Variants in ZBTB8A observed in about 807,000 individuals in gnomAD.
ZBTB8A encodes the protein zinc finger and BTB domain-containing protein 8A.
Under a neutral mutation model 37.8 loss-of-function variants are expected in ZBTB8A, and 19 were observed. That is an observed-to-expected ratio of 0.50 (90% CI 0.35 to 0.74). The LOEUF is 0.74. Ranked by LOEUF, ZBTB8A falls within the 30% of genes least tolerant of loss-of-function variation. The pLI, the probability that ZBTB8A is intolerant of heterozygous loss-of-function variation, is 0.01. For missense variants in ZBTB8A, 394 were observed against 537.8 expected (o/e 0.73, Z 2.65); for synonymous variants, 181 against 185.2 (o/e 0.98, Z 0.19).
At chr1:32,594,294 G>A (rs1204540132) in intron 3 of ZBTB8A, among the ~76,000 whole-genome samples, 1 of 151,538 alleles carries the variant, frequency 6.6e-6, no homozygotes, top group East Asian at 1.9e-4. Flanking sequence ...AAAATAATAA[G>A]AATACTAAGG....
rs372062578 is a variant in ZBTB8A, at chr1:32,593,588, T to C, written c.657T>C (p.Ser219=). 18 of 1,614,118 alleles carry C rather than the reference T, an allele frequency of 1.1e-5. No individual in the cohort carries two copies. In the African/African-American group the frequency reaches 2.4e-4, roughly 22 times the overall value. ...KTKHLRLSQP[S]EVTHYKSSKR... Reference sequence around the variant, plus strand: ...AACATTTGAGATTGTCACAGCCTTCTGAAGTTACTCATTATAAGTCAAGCA... The same window carrying C: ...AACATTTGAGATTGTCACAGCCTTCCGAAGTTACTCATTATAAGTCAAGCA... The change falls in exon 3 of 5, where the codon TCT becomes TCC. Residue 219 remains serine, a synonymous_variant. Transcript: ENST00000373510.
intron 2 of ZBTB8A, among the ~76,000 whole-genome samples, chr1:32,590,398 C>T (rs1257080845): frequency 6.6e-6 from 1 of 152,076 alleles, no homozygotes; most frequent in Non-Finnish European, 1.5e-5. Flanking sequence ...TCTCCTTGGA[C>T]ATACGGTCAG....
chr1:32,585,847 A>T (rs775881616), intron 2 of ZBTB8A, among the ~76,000 whole-genome samples: 2 of 151,558 alleles, frequency 1.3e-5, no homozygotes, highest in Non-Finnish European at 2.9e-5. Flanking sequence ...TGCTAAAAAT[A>T]CAAAAATCAG....
At chr1:32,560,435 G>A (rs1034846937) in intron 2 of ZBTB8A, among the ~76,000 whole-genome samples, 1 of 151,854 alleles carries the variant, frequency 6.6e-6, no homozygotes, top group African/African-American at 2.4e-5. Context: ...TCATTTATTT[G>A]TCTTCTTTTC....
intron 2 of ZBTB8A, among the ~76,000 whole-genome samples, chr1:32,573,507 A>T (rs1474016165): frequency 6.7e-6 from 1 of 149,638 alleles, no homozygotes; most frequent in Non-Finnish European, 1.5e-5. Flanking sequence ...ATCATGGCTC[A>T]CTGCAGCCTC....
rs188903036 is a variant in ZBTB8A, at chr1:32,549,266, G to T, written c.-83-4193G>T. 1.6e-3 allele frequency among the ~76,000 whole-genome samples: 244 copies of T among 152,232 alleles called. 1 individual carries two copies. Among genetic ancestry groups the T allele is most frequent in the African/African-American group, 5.0e-3 (206 of 41,540 alleles). On this transcript the variant is annotated intron_variant, in intron 1 of 4. Coordinates refer to ENST00000373510, the MANE Select transcript of ZBTB8A (RefSeq NM_001040441.3). ...CCCAGCACTTTGGGAGGCCGAGGCGGGCGGATCACCTGAGGTCAGTAGTTC... is the reference window on the plus strand; with the variant it reads ...CCCAGCACTTTGGGAGGCCGAGGCGTGCGGATCACCTGAGGTCAGTAGTTC...
At chr1:32,599,349 T>G (rs1411828460) in intron 4 of ZBTB8A, among the ~76,000 whole-genome samples, 1 of 151,990 alleles carries the variant, frequency 6.6e-6, no homozygotes, top group Admixed American at 6.6e-5. Flanking sequence ...TGCTTGAGCC[T>G]GGGAGGCTGA....
chr1:32,539,693 C>CAGCCCGGGGCGGCGG (rs1200189690), intron 1 of ZBTB8A, 121 bp downstream of exon 1: 7 of 147,114 alleles, frequency 4.8e-5, no homozygotes, highest in East Asian at 1.9e-4. Flanking sequence ...GATGCGGGCC[C>CAGCCCGGGGCGGCGG]CGGGCGCGCC....
At chr1:32,579,066 C>G (rs962557871) in intron 2 of ZBTB8A, among the ~76,000 whole-genome samples, 1 of 152,044 alleles carries the variant, frequency 6.6e-6, no homozygotes, top group African/African-American at 2.4e-5. Flanking sequence ...TTAGGTTAGT[C>G]GTACTACTAA....
In ZBTB8A at chr1:32,553,215, A is replaced by G. The variant is rs528079214; in HGVS notation, c.-83-244A>G. Among the ~76,000 whole-genome samples the G allele has an allele frequency of 1.4e-3, 210 of 152,076 alleles. 1 individual carries two copies. The highest frequency in any genetic ancestry group is 4.7e-3 in the African/African-American group (195 of 41,486). ...GCTGGGATTACAGGCACCTGCCACC[A>G]TGCCCAGCTAATTTTTGTATACTTA... is the stretch of plus-strand genomic sequence containing the variant. On this transcript the variant is annotated intron_variant, in intron 1 of 4. Transcript: ENST00000373510.
At chr1:32,600,036 C>T in intron 4 of ZBTB8A, 51 bp from the exon 5 acceptor site, 2 of 1,469,530 alleles carry the variant, frequency 1.4e-6, no homozygotes, top group Non-Finnish European at 1.9e-6. Flanking sequence ...AAATATCAAA[C>T]TGTCCTGCTT....
At chr1:32,599,707 A>G (rs1644560868) in intron 4 of ZBTB8A, among the ~76,000 whole-genome samples, 1 of 151,890 alleles carries the variant, frequency 6.6e-6, no homozygotes, top group Admixed American at 6.6e-5. Flanking sequence ...ACAGAGTGAG[A>G]CTCTGTCTCA....
intron 1 of ZBTB8A, among the ~76,000 whole-genome samples, chr1:32,548,612 G>A (rs2148214656): frequency 6.6e-6 from 1 of 152,278 alleles, no homozygotes; most frequent in Admixed American, 6.5e-5. Flanking sequence ...AGGATTACAG[G>A]CGTGAGCCTC....
intron 2 of ZBTB8A, among the ~76,000 whole-genome samples, chr1:32,555,305 C>T (rs1217547185): frequency 1.3e-5 from 2 of 152,048 alleles, no homozygotes; most frequent in African/African-American, 2.4e-5. Flanking sequence ...AGGAGAATGG[C>T]GTGAACCCGG....
chr1:32,596,881 T>C (rs901719595), intron 4 of ZBTB8A, among the ~76,000 whole-genome samples: 1 of 152,174 alleles, frequency 6.6e-6, no homozygotes, highest in Non-Finnish European at 1.5e-5. Flanking sequence ...ATGCTTTAAG[T>C]GTCTAGGTCA....
intron 2 of ZBTB8A, among the ~76,000 whole-genome samples, chr1:32,560,549 A>G (rs750301904): frequency 4.0e-5 from 6 of 150,792 alleles, no homozygotes; most frequent in Non-Finnish European, 8.8e-5. Context: ...AACAGAAAAC[A>G]GACTCATACC....
At chr1:32,553,714 C>G (rs1644175963) in intron 2 of ZBTB8A, among the ~76,000 whole-genome samples, 174 bp downstream of exon 2, 1 of 151,184 alleles carries the variant, frequency 6.6e-6, no homozygotes, top group Non-Finnish European at 1.5e-5. Context: ...TGGAGAAACC[C>G]TGTCTCTACT....
At chr1:32,583,002 TA>T (rs1325473483) in intron 2 of ZBTB8A, among the ~76,000 whole-genome samples, 1 of 152,204 alleles carries the variant, frequency 6.6e-6, no homozygotes, top group Non-Finnish European at 1.5e-5. Flanking sequence ...CCTTGAGAAC[TA>T]ATTCATTATA....
At chr1:32,542,691 A>G (rs1228871036) in intron 1 of ZBTB8A, among the ~76,000 whole-genome samples, 2 of 152,200 alleles carry the variant, frequency 1.3e-5, no homozygotes, top group African/African-American at 4.8e-5. Flanking sequence ...AGACTTTCGA[A>G]CTTAATGGTT....
Sources: gnomAD v4.1 joint callset for allele counts (sites outside exome capture counted in the v4.1 genomes callset) on GRCh38, gnomAD v4.1.1 for gene constraint, MANE v1.5 for transcripts, NCBI Gene and HGNC (gene_info 2026-07-23, HGNC 2026-07-21) for gene names.